NUBPL: variants seen among roughly 807,000 people sequenced by gnomAD.
NUBPL encodes NUBP iron-sulfur cluster assembly factor, mitochondrial.
Under a neutral mutation model 45.7 loss-of-function variants are expected in NUBPL, and 31 were observed. The observed-to-expected ratio is 0.68, with a 90% CI of 0.51 to 0.92. NUBPL has a LOEUF of 0.92. NUBPL is among the 40% of genes least tolerant of loss of function. The pLI, the probability that NUBPL is intolerant of heterozygous loss-of-function variation, is 0.00. For missense variants in NUBPL, 401 were observed against 398.7 expected (o/e 1.01, Z -0.05); for synonymous variants, 144 against 140.9 (o/e 1.02, Z -0.15).
At chr14:31,807,771 C>T (rs1465062421) in intron 7 of NUBPL, among the ~76,000 whole-genome samples, 2 of 152,190 alleles carry the variant, frequency 1.3e-5, no homozygotes, top group Non-Finnish European at 2.9e-5. Context: ...ACATTTAAGT[C>T]TTTAATCCAT....
chr14:31,754,202 A>T (rs909959595), intron 6 of NUBPL, among the ~76,000 whole-genome samples: 3 of 152,206 alleles, frequency 2.0e-5, no homozygotes, highest in African/African-American at 7.2e-5. Context: ...GACAAGAATG[A>T]GTAATAGAAT....
At chr14:31,663,069 A>G (rs2036313685) in intron 4 of NUBPL, among the ~76,000 whole-genome samples, 1 of 152,014 alleles carries the variant, frequency 6.6e-6, no homozygotes, top group East Asian at 1.9e-4. Flanking sequence ...CATATCCTTC[A>G]CCCACTTTTT....
chr14:31,761,694 T>G (rs889945026), intron 6 of NUBPL, among the ~76,000 whole-genome samples: 7 of 152,208 alleles, frequency 4.6e-5, no homozygotes, highest in Non-Finnish European at 8.8e-5. Context: ...TCATTCTGTT[T>G]ATTGGCTTAC....
At chr14:31,810,556 C>G (rs571462659) in intron 7 of NUBPL, among the ~76,000 whole-genome samples, 1 of 152,232 alleles carries the variant, frequency 6.6e-6, no homozygotes, top group East Asian at 1.9e-4. Context: ...ACTGATGGGT[C>G]TTGACTCTTT....
intron 3 of NUBPL, among the ~76,000 whole-genome samples, chr14:31,566,607 G>T (rs989012560): frequency 2.0e-5 from 3 of 152,040 alleles, no homozygotes; most frequent in African/African-American, 7.2e-5. Context: ...CCTGCCAAAA[G>T]TGTCCACATC....
rs186032717 is a variant in NUBPL at position 31,776,156 on chromosome 14, C to A, written c.514-11624C>A. 1.1e-3 allele frequency among the ~76,000 whole-genome samples: 170 copies of A among 152,226 alleles called. No homozygotes were observed. The Middle Eastern group carries it at 0.014, about 12-fold the overall frequency. ...CCACTCAAATTGTATATGCTTCAGG[C>A]CACACAAAATCTGGATCCACCACTG... On this transcript the variant is annotated intron_variant, in intron 6 of 10. Transcript: ENST00000281081.
At chr14:31,762,578 G>T (rs2038834848) in intron 6 of NUBPL, among the ~76,000 whole-genome samples, 1 of 152,148 alleles carries the variant, frequency 6.6e-6, no homozygotes, top group Admixed American at 6.6e-5. Context: ...CATATTAAAT[G>T]ATTCAGTTGT....
chr14:31,627,803 G>T (rs1469989347), intron 4 of NUBPL, among the ~76,000 whole-genome samples: 1 of 150,470 alleles, frequency 6.6e-6, no homozygotes, highest in Admixed American at 6.6e-5. Context: ...ATCCCAAATA[G>T]ATTTGTTAAT....
intron 6 of NUBPL, among the ~76,000 whole-genome samples, chr14:31,755,873 G>A (rs904055623): frequency 6.6e-6 from 1 of 150,648 alleles, no homozygotes; most frequent in Non-Finnish European, 1.5e-5. Context: ...ATTAATTTTT[G>A]TATAAGGTGT....
At chr14:31,800,220 A>G (rs2039560440) in intron 7 of NUBPL, among the ~76,000 whole-genome samples, 1 of 152,080 alleles carries the variant, frequency 6.6e-6, no homozygotes, top group African/African-American at 2.4e-5. Flanking sequence ...GAAATCTTGA[A>G]CCCCCAAAAG....
intron 7 of NUBPL, among the ~76,000 whole-genome samples, chr14:31,825,109 T>G (rs553489451): frequency 6.5e-4 from 99 of 152,302 alleles, no homozygotes; most frequent in South Asian, 4.1e-3. Context: ...CCACTTCAGT[T>G]CAGGCCTCTA....
At chr14:31,703,827 C>T (rs957041974) in intron 6 of NUBPL, among the ~76,000 whole-genome samples, 7 of 152,196 alleles carry the variant, frequency 4.6e-5, no homozygotes, top group African/African-American at 1.7e-4. Flanking sequence ...TTATTGGAAG[C>T]CTTTTTTGCT....
chr14:31,580,603 G>A (rs1431137459), intron 3 of NUBPL, among the ~76,000 whole-genome samples: 1 of 152,178 alleles, frequency 6.6e-6, no homozygotes, highest in African/African-American at 2.4e-5. Context: ...AACAGAGTGA[G>A]ACCCCCATCT....
intron 6 of NUBPL, among the ~76,000 whole-genome samples, chr14:31,675,121 A>G (rs1268055236): frequency 6.7e-6 from 1 of 148,582 alleles, no homozygotes; most frequent in African/African-American, 2.6e-5. Context: ...TGGGTGACAG[A>G]GTAAGACTCC....
intron 6 of NUBPL, among the ~76,000 whole-genome samples, chr14:31,766,883 C>T (rs2038921777): frequency 6.6e-6 from 1 of 151,888 alleles, no homozygotes; most frequent in African/African-American, 2.4e-5. Context: ...GAAGTTCCTC[C>T]CAGATTATTT....
chr14:31,838,878 C>T (rs955247298), intron 8 of NUBPL, among the ~76,000 whole-genome samples: 3 of 152,164 alleles, frequency 2.0e-5, no homozygotes, highest in Non-Finnish European at 4.4e-5. Context: ...TAGCCAGCCA[C>T]ACGTGACTAA....
chr14:31,618,380 T>C (rs1371382219), intron 4 of NUBPL, among the ~76,000 whole-genome samples: 1 of 152,224 alleles, frequency 6.6e-6, no homozygotes, highest in South Asian at 2.1e-4. Flanking sequence ...GTGTCAATTT[T>C]AGATCTTTCC....
chr14:31,638,181 T>C (rs2035565145), intron 4 of NUBPL, among the ~76,000 whole-genome samples: 1 of 152,158 alleles, frequency 6.6e-6, no homozygotes, highest in Non-Finnish European at 1.5e-5. Context: ...TTCTTCCTAG[T>C]CTCGATGGTC....
In NUBPL at chr14:31,859,652, T is replaced by A. The variant is rs1200929152; in HGVS notation, c.*472T>A. 1 of 216,942 alleles carries A rather than the reference T, an allele frequency of 4.6e-6. No individual in the cohort carries two copies. The highest frequency in any genetic ancestry group is 9.3e-6 in the Non-Finnish European group (1 of 107,496). 13.4% of individuals were successfully genotyped at this position (216,942 alleles called of 1,614,324 possible). A position where few individuals can be genotyped will look rare whatever the true frequency, so the allele number is the denominator to read the frequency against. On this transcript the variant is annotated 3_prime_UTR_variant, in exon 11 of 11. Transcript: ENST00000281081. ...GTTCTTAATATGAACCTCTGCTTCT[T>A]CATCTGGATCACACTATACCCCAGA...
Sources: allele counts gnomAD v4.1 joint callset (sites outside exome capture counted in the v4.1 genomes callset), GRCh38; gene constraint gnomAD v4.1.1; transcripts MANE v1.5; gene names NCBI Gene and HGNC (gene_info 2026-07-23, HGNC 2026-07-21).